Variants in NDUFA7 observed in about 807,000 individuals in gnomAD.
NDUFA7 encodes the protein NADH:ubiquinone oxidoreductase subunit A7, also known as NADH dehydrogenase [ubiquinone] 1 alpha subcomplex subunit 7.
In NDUFA7, 18 loss-of-function variants were observed where a neutral mutation model predicts 14.2. The observed-to-expected ratio is 1.27, with a 90% CI of 0.88 to 1.88. NDUFA7 has a LOEUF of 1.88. Among genes scored for constraint, NDUFA7 ranks in the 40% most tolerant of loss-of-function variants. NDUFA7 has a pLI of 0.00. For missense variants in NDUFA7, 172 were observed against 147.3 expected (o/e 1.17, Z -0.87); for synonymous variants, 75 against 62.1 (o/e 1.21, Z -0.98).
intron 3 of NDUFA7, 103 bp downstream of exon 3, chr19:8,316,393 A>G: frequency 1.3e-6 from 2 of 1,485,732 alleles, no homozygotes; most frequent in Non-Finnish European, 1.8e-6. Context: ...ACTGATGCTT[A>G]CTAAGTAGGA....
downstream of NDUFA7, among the ~76,000 whole-genome samples, chr19:8,310,297 C>A (rs1281825428): frequency 1.3e-5 from 2 of 151,896 alleles, no homozygotes; most frequent in Admixed American, 6.6e-5. Context: ...GGGCTTGTGG[C>A]AGGCGCCTGT....
chr19:8,320,907 C>A lies in NDUFA7; in HGVS notation c.52-1G>T. Reference sequence around the variant, plus strand: ...GCTGCAGCTTCCCCTGCAGGTCATGCTGTGGGAAGAGGAGAGGAGAGGTCG... The same window carrying A: ...GCTGCAGCTTCCCCTGCAGGTCATGATGTGGGAAGAGGAGAGGAGAGGTCG... On this transcript the variant is annotated splice_acceptor_variant, in intron 1 of 3. Transcript: ENST00000301457. LOFTEE classifies it high-confidence loss of function. 1 of 1,613,668 alleles carries A rather than the reference C, an allele frequency of 6.2e-7. No homozygotes were observed. The highest frequency in any genetic ancestry group is 8.5e-7 in the Non-Finnish European group (1 of 1,179,978).
rs144659571 is a variant in NDUFA7, at chr19:8,313,473, G to A, written c.252-1878C>T. Reference sequence around the variant, plus strand: ...TCTCGATCTCCTGACCTGGTGATCCGCCCTCCCCGGCCTCCCAAAGTGCTG... The same window carrying A: ...TCTCGATCTCCTGACCTGGTGATCCACCCTCCCCGGCCTCCCAAAGTGCTG... On this transcript the variant is annotated intron_variant, in intron 3 of 3. Transcript: ENST00000301457. 1.4e-3 allele frequency among the ~76,000 whole-genome samples: 215 copies of A among 149,964 alleles called. 2 individuals carry two copies. Among genetic ancestry groups the A allele is most frequent in the African/African-American group, 4.7e-3 (194 of 40,882 alleles).
intron 3 of NDUFA7, among the ~76,000 whole-genome samples, chr19:8,315,498 T>C (rs992685800): frequency 1.3e-5 from 2 of 152,348 alleles, no homozygotes; most frequent in African/African-American, 4.8e-5. Context: ...TACGTGTATA[T>C]GTATCTAAAG....
At position 8,311,586 on chromosome 19, in the gene NDUFA7, T is replaced by C; in HGVS notation, c.261A>G (p.Val87=). 6.2e-7 allele frequency: 1 copy of C among 1,612,116 alleles called. No homozygotes were observed. Among genetic ancestry groups the C allele is most frequent in the Admixed American group, 1.7e-5 (1 of 59,838 alleles). Residue 87 remains valine, a synonymous_variant, in exon 4 of 4, where the codon GTA becomes GTG. Coordinates refer to ENST00000301457, the MANE Select transcript of NDUFA7 (RefSeq NM_005001.5). The stretch of plus-strand genomic sequence containing the variant: ...TCACCGCCTTCTTCTCAGTGGCAGC[T>C]ACAGCAGAGCTGGAGGAGGGAAAGA... The part of the protein sequence containing the change: ...VSGKPAESSA[V]AATEKKAVTP...
At chr19:8,311,692 G>T (rs1970179808) in intron 3 of NDUFA7, 97 bp from the exon 4 acceptor site, 1 of 965,000 alleles carries the variant, frequency 1.0e-6, no homozygotes. Context: ...CACCCACAGG[G>T]ACTTTCTGGA....
chr19:8,319,857 T>G (rs896044559), intron 2 of NDUFA7, among the ~76,000 whole-genome samples: 1 of 151,092 alleles, frequency 6.6e-6, no homozygotes, highest in African/African-American at 2.4e-5. Flanking sequence ...TTCTTTTTTA[T>G]TTTTTTGAGA....
At chr19:8,309,049 C>T (rs1340646082), downstream of NDUFA7, among the ~76,000 whole-genome samples, 1 of 151,552 alleles carries the variant, frequency 6.6e-6, no homozygotes, top group Non-Finnish European at 1.5e-5. Context: ...AGCAAGTCCC[C>T]GCCCGCCTCA....
At chr19:8,319,145 T>C (rs930896202) in intron 2 of NDUFA7, among the ~76,000 whole-genome samples, 22 of 151,916 alleles carry the variant, frequency 1.4e-4, no homozygotes, top group African/African-American at 4.6e-4. Context: ...TCAGGAAGAA[T>C]AGCTAATGGA....
chr19:8,320,824 C>T (rs757934985), intron 2 of NDUFA7, 33 bp downstream of exon 2: 2 of 1,613,462 alleles, frequency 1.2e-6, no homozygotes, highest in Non-Finnish European at 1.7e-6. Context: ...AAGGACAGAG[C>T]CAGAGGCTGG....
Position 8,311,451 on chromosome 19 carries a change from C to G in NDUFA7, c.*54G>C. The G allele has an allele frequency of 1.4e-6, 2 of 1,410,774 alleles. No individual in the cohort carries two copies. Among genetic ancestry groups the G allele is most frequent in the South Asian group, 2.5e-5 (2 of 81,044 alleles). 87.4% of individuals were successfully genotyped at this position (1,410,774 alleles called of 1,614,324 possible). A position where few individuals can be genotyped will look rare whatever the true frequency, so the allele number is the denominator to read the frequency against. ...TTTGTCATAAATTAGGTCACATTCT[C>G]CCTGGAGGAAATCCAAGGAGGCAAA... On this transcript the variant is annotated 3_prime_UTR_variant, in exon 4 of 4. Coordinates refer to ENST00000301457, the MANE Select transcript of NDUFA7 (RefSeq NM_005001.5).
chr19:8,321,254 C>A, intron 1 of NDUFA7, 54 bp downstream of exon 1: 2 of 1,492,602 alleles, frequency 1.3e-6, no homozygotes, highest in South Asian at 2.5e-5. Flanking sequence ...GAGCGGGTCC[C>A]GGACACACGG....
chr19:8,316,532 G>A lies in NDUFA7; in HGVS notation c.215C>T (p.Ser72Leu), dbSNP rs748877322. The change falls in exon 3 of 4, where the codon TCG (serine) becomes TTG (leucine). Residue 72 changes from serine (S) to leucine (L), a missense_variant. Coordinates refer to ENST00000301457, the MANE Select transcript of NDUFA7 (RefSeq NM_005001.5). ...ESVPPSIIMS[S>L]QKALVSGKPA... ...CTTGCCTGACACCAGCGCCTTCTGC[G>A]ACGACATGATGATGGAAGGGGGCAC... 77 of 1,613,908 alleles carry A rather than the reference G, an allele frequency of 4.8e-5. No individual in the cohort carries two copies. The East Asian group carries it at 9.4e-4, about 20-fold the overall frequency.
At chr19:8,315,955 G>A (rs976604538) in intron 3 of NDUFA7, among the ~76,000 whole-genome samples, 10 of 151,914 alleles carry the variant, frequency 6.6e-5, no homozygotes, top group African/African-American at 2.2e-4. Flanking sequence ...TTCAAGACCA[G>A]CCTGGCCAAG....
intron 1 of NDUFA7, 57 bp from the exon 2 acceptor site, chr19:8,320,963 G>T: frequency 6.3e-7 from 1 of 1,595,750 alleles, no homozygotes; most frequent in Non-Finnish European, 8.6e-7. Flanking sequence ...GAGAGGAAAG[G>T]AGAGGGCAAG....
intron 3 of NDUFA7, among the ~76,000 whole-genome samples, chr19:8,315,142 CAGA>C (rs1970218561): frequency 6.6e-6 from 1 of 152,216 alleles, no homozygotes; most frequent in East Asian, 1.9e-4. Context: ...CAAAACACCA[CAGA>C]AGGCCACAGG....
chr19:8,320,258 CG>C (rs1473953071), intron 2 of NDUFA7, among the ~76,000 whole-genome samples: 1 of 152,188 alleles, frequency 6.6e-6, no homozygotes, highest in African/African-American at 2.4e-5. Flanking sequence ...TCTGACTTTA[CG>C]TAGCCACCCT....
At chr19:8,316,282 G>A (rs1014338123) in intron 3 of NDUFA7, among the ~76,000 whole-genome samples, 6 of 151,950 alleles carry the variant, frequency 3.9e-5, no homozygotes, top group Admixed American at 2.6e-4. Flanking sequence ...TGATGATTGC[G>A]CCATTGCACT....
chr19:8,316,868 C>T (rs1017034325), intron 2 of NDUFA7: 1 of 544,286 alleles, frequency 1.8e-6, no homozygotes, highest in Non-Finnish European at 3.2e-6. Context: ...GTGAAGATGC[C>T]ACCCCCAGGG....
Sources: gnomAD v4.1 joint callset for allele counts (sites outside exome capture counted in the v4.1 genomes callset) on GRCh38, gnomAD v4.1.1 for gene constraint, MANE v1.5 for transcripts, NCBI Gene and HGNC (gene_info 2026-07-23, HGNC 2026-07-21) for gene names.